The following RBFOX1 variants were observed in gnomAD, a reference collection of about 807,000 sequenced individuals.
The protein encoded by RBFOX1 is RNA binding fox-1 homolog 1.
A neutral mutation model predicts 57.7 loss-of-function variants in RBFOX1; 8 were observed. The ratio of observed to expected loss-of-function variants is 0.14; its 90% CI spans 0.08 to 0.25. RBFOX1 has a LOEUF of 0.25. RBFOX1 is among the 10% of genes least tolerant of loss of function. The probability of loss-of-function intolerance (pLI) is 1.00; values close to 1 mark genes in which losing one functional copy is unlikely to be tolerated. For missense variants in RBFOX1, 611 were observed against 548.5 expected (o/e 1.11, Z -1.14); for synonymous variants, 326 against 222.4 (o/e 1.47, Z -4.15).
intron 1 of RBFOX1, among the ~76,000 whole-genome samples, chr16:6,220,843 C>T (rs921000835): frequency 2.0e-5 from 3 of 151,898 alleles, no homozygotes; most frequent in South Asian, 2.1e-4. Context: ...TGCCTATGAT[C>T]ATAATGAACA....
intron 1 of RBFOX1, among the ~76,000 whole-genome samples, chr16:6,096,317 C>T (rs1239377768): frequency 6.6e-6 from 1 of 152,050 alleles, no homozygotes; most frequent in African/African-American, 2.4e-5. Flanking sequence ...TAAATAAGTC[C>T]TTCAGGAAAA....
intron 4 of RBFOX1, among the ~76,000 whole-genome samples, chr16:7,089,842 T>G (rs1261244976): frequency 6.6e-6 from 1 of 152,064 alleles, no homozygotes; most frequent in Non-Finnish European, 1.5e-5. Context: ...CATTGAAAAA[T>G]GGGCACTACC....
At chr16:5,498,530 T>G (rs985615757) in intron 2 of RBFOX1, among the ~76,000 whole-genome samples, 1 of 152,188 alleles carries the variant, frequency 6.6e-6, no homozygotes, top group African/African-American at 2.4e-5. Flanking sequence ...TCACACTGCC[T>G]GCTGCAAGGA....
intron 4 of RBFOX1, among the ~76,000 whole-genome samples, chr16:7,177,008 A>G (rs979649368): frequency 2.1e-4 from 32 of 152,226 alleles, no homozygotes; most frequent in African/African-American, 7.0e-4. Flanking sequence ...TCACTACCCC[A>G]TGAAGTCTCA....
chr16:7,207,643 T>G (rs570065715), intron 4 of RBFOX1, among the ~76,000 whole-genome samples: 1 of 152,282 alleles, frequency 6.6e-6, no homozygotes, highest in Non-Finnish European at 1.5e-5. Context: ...CTCTGCAACC[T>G]AAAGAAGGAT....
chr16:7,026,707 C>T (rs990776360), intron 3 of RBFOX1, among the ~76,000 whole-genome samples: 3 of 152,164 alleles, frequency 2.0e-5, no homozygotes, highest in Middle Eastern at 3.2e-3. Context: ...CTTACTGTGC[C>T]TCTGAACCCT....
intron 1 of RBFOX1, among the ~76,000 whole-genome samples, chr16:6,157,117 G>A (rs2096843958): frequency 1.3e-5 from 2 of 152,052 alleles, no homozygotes; most frequent in South Asian, 2.1e-4. Context: ...TTAGAGGTGT[G>A]AGCCAACACC....
chr16:7,105,900 A>G (rs2063502505), intron 4 of RBFOX1, among the ~76,000 whole-genome samples: 1 of 152,090 alleles, frequency 6.6e-6, no homozygotes, highest in Admixed American at 6.6e-5. Context: ...TTCACTCAGG[A>G]GAGGTATACG....
intron 3 of RBFOX1, among the ~76,000 whole-genome samples, chr16:6,785,178 G>C (rs1478098397): frequency 1.3e-5 from 2 of 152,050 alleles, no homozygotes; most frequent in East Asian, 1.9e-4. Context: ...ACGAGATCTG[G>C]TCTGCTCTGG....
chr16:7,167,523 T>C (rs1175984765), intron 4 of RBFOX1, among the ~76,000 whole-genome samples: 1 of 151,994 alleles, frequency 6.6e-6, no homozygotes, highest in Non-Finnish European at 1.5e-5. Context: ...AGAAAGACCC[T>C]CCCATGCAGT....
chr16:5,914,135 G>A (rs1191039441), intron 4 of RBFOX1, among the ~76,000 whole-genome samples: 3 of 152,156 alleles, frequency 2.0e-5, no homozygotes, highest in Admixed American at 2.0e-4. Context: ...CAGCCAGGAG[G>A]AAAGGACGTT....
intron 1 of RBFOX1, among the ~76,000 whole-genome samples, chr16:6,127,552 T>C (rs903290736): frequency 6.6e-6 from 1 of 152,166 alleles, no homozygotes; most frequent in African/African-American, 2.4e-5. Context: ...CAGAAATGAA[T>C]TGCAGGTTAG....
chr16:7,064,161 C>CTTTTTTTTTTTTTTTTTTTTTTTTT, intron 4 of RBFOX1, among the ~76,000 whole-genome samples: 1 of 96,830 alleles, frequency 1.0e-5, no homozygotes, highest in Non-Finnish European at 1.9e-5. Flanking sequence ...GACTGGTGTT[C>CTTTTTTTTTTTTTTTTTTTTTTTTT]TTTTTTTTTT....
chr16:5,449,723 C>T (rs1158592742), intron 1 of RBFOX1, among the ~76,000 whole-genome samples: 1 of 152,202 alleles, frequency 6.6e-6, no homozygotes, highest in African/African-American at 2.4e-5. Flanking sequence ...ATCCTCCCAC[C>T]TCAGCCCCCC....
intron 2 of RBFOX1, among the ~76,000 whole-genome samples, chr16:6,369,521 A>G (rs1267716851): frequency 6.6e-6 from 1 of 152,108 alleles, no homozygotes; most frequent in African/African-American, 2.4e-5. Context: ...AGTTCATATG[A>G]ATTCCTCTCT....
At chr16:5,822,227 A>G (rs2055882006) in intron 3 of RBFOX1, among the ~76,000 whole-genome samples, 1 of 152,174 alleles carries the variant, frequency 6.6e-6, no homozygotes, top group African/African-American at 2.4e-5. Flanking sequence ...TGTGAGAGCT[A>G]AGCTATGAGG....
At chr16:6,729,766 G>A (rs1216134661) in intron 3 of RBFOX1, among the ~76,000 whole-genome samples, 1 of 152,124 alleles carries the variant, frequency 6.6e-6, no homozygotes, top group Non-Finnish European at 1.5e-5. Context: ...GTCACACTCT[G>A]TGTTCACTTA....
chr16:7,139,334 C>T (rs1195495157), intron 4 of RBFOX1, among the ~76,000 whole-genome samples: 6 of 152,084 alleles, frequency 3.9e-5, no homozygotes, highest in Non-Finnish European at 2.9e-5. Flanking sequence ...TTTGGAAAAG[C>T]AAAAGCTTCT....
chr16:6,656,904 T>A (rs1273610693), intron 3 of RBFOX1, among the ~76,000 whole-genome samples: 1 of 146,860 alleles, frequency 6.8e-6, no homozygotes, highest in Non-Finnish European at 1.5e-5. Flanking sequence ...TCCCCTCAAC[T>A]CTCCTCTCCT....
Sources: allele counts gnomAD v4.1 joint callset (sites outside exome capture counted in the v4.1 genomes callset), GRCh38; gene constraint gnomAD v4.1.1; transcripts MANE v1.5; gene names NCBI Gene and HGNC (gene_info 2026-07-23, HGNC 2026-07-21).